Variants in KIAA1549 observed in about 807,000 individuals in gnomAD.
KIAA1549 encodes the protein UPF0606 protein KIAA1549.
KIAA1549 carries 70 observed loss-of-function variants against 156.4 expected under a neutral mutation model. The observed-to-expected ratio is 0.45, with a 90% CI of 0.37 to 0.55. The LOEUF (loss-of-function observed/expected upper bound fraction) is 0.55, where lower values mean the gene tolerates loss of function less well. KIAA1549 is among the 20% of genes least tolerant of loss of function. The pLI is 0.00. For missense variants in KIAA1549, 2,428 were observed against 2,540.9 expected (o/e 0.96, Z 0.96); for synonymous variants, 1,103 against 1,066.4 (o/e 1.03, Z -0.67).
In KIAA1549 at chr7:138,908,971, G is replaced by A. The variant is rs1252945524; in HGVS notation, c.3276+20C>T. On this transcript the variant is annotated intron_variant, in intron 5 of 19. Transcript: ENST00000422774. ...TTCAAGGGCTAAAGCCTTCTGCTCTGCATTCAGTGATATTCTCACCTGCAC... is the reference window on the plus strand; with the variant it reads ...TTCAAGGGCTAAAGCCTTCTGCTCTACATTCAGTGATATTCTCACCTGCAC... 1.2e-5 allele frequency: 20 copies of A among 1,613,496 alleles called. No homozygotes were observed. Among genetic ancestry groups the A allele is most frequent in the Non-Finnish European group, 1.6e-5 (19 of 1,179,596 alleles).
intron 1 of KIAA1549, among the ~76,000 whole-genome samples, chr7:138,936,070 T>C (rs1400337320): frequency 1.3e-5 from 2 of 152,132 alleles, no homozygotes; most frequent in Non-Finnish European, 2.9e-5. Context: ...AAGCATAAAA[T>C]AGTGCTCCAT....
intron 1 of KIAA1549, among the ~76,000 whole-genome samples, 169 bp downstream of exon 1, chr7:138,980,914 T>C (rs551776559): frequency 1.4e-4 from 22 of 152,346 alleles, no homozygotes; most frequent in African/African-American, 5.0e-4. Flanking sequence ...ATTTCCCCCG[T>C]GCCTTTATTT....
chr7:138,845,691 A>T (rs1810053418), intron 17 of KIAA1549, among the ~76,000 whole-genome samples: 1 of 152,052 alleles, frequency 6.6e-6, no homozygotes, highest in South Asian at 2.1e-4. Context: ...GAAAAATCCC[A>T]TTCATTAATC....
Position 138,855,877 on chromosome 7 carries a change from C to CT in KIAA1549, c.5248-3609_5248-3608insA, listed in dbSNP as rs1307803863. On this transcript the variant is annotated intron_variant, in intron 16 of 19. Transcript: ENST00000422774. ...TTATTCTCAATGGATGATGACTCTG[C>CT]CTTCTCTGCTCTGAGGATAAAAACC... 3.4e-4 allele frequency among the ~76,000 whole-genome samples: 52 copies of CT among 151,234 alleles called. No individual in the cohort carries two copies. The Middle Eastern group carries it at 0.01, about 30-fold the overall frequency.
intron 10 of KIAA1549, among the ~76,000 whole-genome samples, chr7:138,884,772 T>C (rs748606847): frequency 1.3e-5 from 2 of 152,234 alleles, no homozygotes; most frequent in East Asian, 1.9e-4. Context: ...TCTCAACCAA[T>C]TGCCAACTAA....
intron 1 of KIAA1549, among the ~76,000 whole-genome samples, chr7:138,950,795 G>A (rs577790560): frequency 6.6e-6 from 1 of 151,990 alleles, no homozygotes; most frequent in Non-Finnish European, 1.5e-5. Context: ...TCTCCCCGGG[G>A]GCTGAAACCT....
intron 1 of KIAA1549, among the ~76,000 whole-genome samples, chr7:138,960,023 T>TA (rs1346860638): frequency 2.0e-5 from 3 of 152,084 alleles, no homozygotes; most frequent in African/African-American, 7.2e-5. Context: ...AAACAGGAAT[T>TA]AGAGTGACAG....
intron 1 of KIAA1549, among the ~76,000 whole-genome samples, chr7:138,955,138 C>G (rs184805829): frequency 1.1e-4 from 16 of 152,332 alleles, no homozygotes; most frequent in Admixed American, 8.5e-4. Flanking sequence ...GAGTCAAACA[C>G]TGTCCCTGAC....
At chr7:138,921,313 T>TCC (rs1359639261) in intron 1 of KIAA1549, among the ~76,000 whole-genome samples, 4 of 152,218 alleles carry the variant, frequency 2.6e-5, no homozygotes, top group Non-Finnish European at 5.9e-5. Flanking sequence ...GTCTCTCACT[T>TCC]CTGTTCCTCA....
At chr7:138,874,064 A>C (rs1584721252) in intron 12 of KIAA1549, among the ~76,000 whole-genome samples, 1 of 148,162 alleles carries the variant, frequency 6.7e-6, no homozygotes, top group Non-Finnish European at 1.5e-5. Context: ...GTAATTATAT[A>C]TTACATACTT....
intron 18 of KIAA1549, among the ~76,000 whole-genome samples, chr7:138,843,318 A>T (rs952565368): frequency 6.6e-6 from 1 of 152,246 alleles, no homozygotes; most frequent in African/African-American, 2.4e-5. Flanking sequence ...AAAATAATTT[A>T]AAAACTGGAC....
chr7:138,922,888 T>C (rs781441891), intron 1 of KIAA1549, among the ~76,000 whole-genome samples: 2 of 151,532 alleles, frequency 1.3e-5, no homozygotes, highest in Non-Finnish European at 2.9e-5. Context: ...TGCTAAGAAT[T>C]TGCCAAAATT....
chr7:138,932,937 G>A (rs1015111307), intron 1 of KIAA1549, among the ~76,000 whole-genome samples: 10 of 152,210 alleles, frequency 6.6e-5, no homozygotes, highest in African/African-American at 2.2e-4. Flanking sequence ...ACCTGCAAAC[G>A]TGAAGAGGAG....
intron 15 of KIAA1549, among the ~76,000 whole-genome samples, chr7:138,866,788 T>G (rs983633031): frequency 4.6e-5 from 7 of 152,120 alleles, no homozygotes; most frequent in African/African-American, 1.7e-4. Flanking sequence ...CTCTTTTACT[T>G]TGGAAAAAAA....
chr7:138,890,638 A>G (rs1383241558), intron 10 of KIAA1549, among the ~76,000 whole-genome samples: 1 of 152,230 alleles, frequency 6.6e-6, no homozygotes, highest in Non-Finnish European at 1.5e-5. Flanking sequence ...GAGACCACCT[A>G]CACGTTAGGT....
intron 10 of KIAA1549, among the ~76,000 whole-genome samples, chr7:138,883,868 T>C (rs1042590559): frequency 3.3e-5 from 5 of 152,174 alleles, no homozygotes; most frequent in Admixed American, 3.3e-4. Flanking sequence ...TCATCCCAGT[T>C]TCCTGGTGTA....
chr7:138,853,200 A>G (rs1810284729), intron 16 of KIAA1549, among the ~76,000 whole-genome samples: 1 of 152,200 alleles, frequency 6.6e-6, no homozygotes, highest in African/African-American at 2.4e-5. Flanking sequence ...AGTTAGGTCT[A>G]AGTCAGCCTT....
rs749868491 is a variant in KIAA1549 at position 138,881,585 on chromosome 7, C to A, written c.4033-1G>T. On this transcript the variant is annotated splice_acceptor_variant, in intron 10 of 19. Transcript: ENST00000422774. LOFTEE classifies it high-confidence loss of function. Reference sequence around the variant, plus strand: ...AGCCCTTCACACTAGGGATCTGCAGCTGAAACATACACACACACAAACAAG... The same window carrying A: ...AGCCCTTCACACTAGGGATCTGCAGATGAAACATACACACACACAAACAAG... 6.2e-7 allele frequency: 1 copy of A among 1,610,248 alleles called. No homozygotes were observed. Among genetic ancestry groups the A allele is most frequent in the Admixed American group, 1.7e-5 (1 of 59,554 alleles).
intron 3 of KIAA1549, 91 bp from the exon 4 acceptor site, chr7:138,911,414 A>T (rs1255533526): frequency 3.1e-6 from 3 of 975,782 alleles, no homozygotes; most frequent in Admixed American, 6.0e-5. Flanking sequence ...AAAAACTGGT[A>T]GTTTTGAATG....
Sources: gnomAD v4.1 joint callset for allele counts (sites outside exome capture counted in the v4.1 genomes callset) on GRCh38, gnomAD v4.1.1 for gene constraint, MANE v1.5 for transcripts, NCBI Gene and HGNC (gene_info 2026-07-23, HGNC 2026-07-21) for gene names.